DLC1: variants seen among roughly 807,000 people sequenced by gnomAD.
The protein encoded by DLC1 is DLC1 Rho GTPase activating protein.
In DLC1, 54 loss-of-function variants were observed where a neutral mutation model predicts 140.3. That is an observed-to-expected ratio of 0.38 (90% CI 0.31 to 0.48). DLC1 has a LOEUF of 0.48. DLC1 is among the 20% of genes least tolerant of loss of function. The pLI, the probability that DLC1 is intolerant of heterozygous loss-of-function variation, is 0.96. For missense variants in DLC1, 2,536 were observed against 1,907.0 expected (o/e 1.33, Z -6.14); for synonymous variants, 986 against 728.1 (o/e 1.35, Z -5.70).
chr8:13,104,434 G>GT (rs1187493738), intron 7 of DLC1, among the ~76,000 whole-genome samples: 1 of 151,358 alleles, frequency 6.6e-6, no homozygotes, highest in Non-Finnish European at 1.5e-5. Context: ...GAACTAAACG[G>GT]TATGTACAAC....
At chr8:13,468,948 AT>A (rs1214839856) in intron 2 of DLC1, among the ~76,000 whole-genome samples, 11 of 150,780 alleles carry the variant, frequency 7.3e-5, no homozygotes, top group Admixed American at 4.7e-4. Flanking sequence ...AGCCTCCCGA[AT>A]AGCTGGGACT....
At chr8:13,297,282 T>TAAAAAAAAAAAAAAAAAAAACAAAAA (rs60048506) in intron 5 of DLC1, among the ~76,000 whole-genome samples, 2 of 9,634 alleles carry the variant, frequency 2.1e-4, no homozygotes, top group African/African-American at 7.2e-4. Context: ...CTTCATACAT[T>TAAAAAAAAAAAAAAAAAAAACAAAAA]AAAAAAAAAA....
intron 4 of DLC1, among the ~76,000 whole-genome samples, chr8:13,369,008 G>C (rs897484069): frequency 6.6e-6 from 1 of 152,100 alleles, no homozygotes; most frequent in Non-Finnish European, 1.5e-5. Context: ...ATTTAGTAGA[G>C]ACAGGGTTTC....
chr8:13,365,895 T>C lies in DLC1; in HGVS notation c.1314+27658A>G, dbSNP rs570992370. 2.0e-5 allele frequency among the ~76,000 whole-genome samples: 3 copies of C among 152,320 alleles called. No homozygotes were observed. The South Asian group carries it at 6.2e-4, about 32-fold the overall frequency. ...GCACCTAAGTGACCCAAGATATTCA[T>C]TTCCCTGAAGTCACTCACAGCAGGC... On this transcript the variant is annotated intron_variant, in intron 4 of 17. Coordinates refer to ENST00000276297, the MANE Select transcript of DLC1 (RefSeq NM_182643.3).
chr8:13,305,056 A>G (rs182072428), intron 5 of DLC1: 3 of 1,208,200 alleles, frequency 2.5e-6, no homozygotes, highest in Non-Finnish European at 3.1e-6. Context: ...AGAAACACAT[A>G]TCTTATTCTA....
intron 4 of DLC1, among the ~76,000 whole-genome samples, chr8:13,371,018 A>T (rs775137355): frequency 6.6e-6 from 1 of 152,158 alleles, no homozygotes; most frequent in Non-Finnish European, 1.5e-5. Flanking sequence ...ATACGAACTA[A>T]GTATTATTGG....
chr8:13,191,927 A>C (rs1484423321), intron 5 of DLC1, among the ~76,000 whole-genome samples: 1 of 20,048 alleles, frequency 5.0e-5, no homozygotes, highest in Non-Finnish European at 9.8e-5. Flanking sequence ...GAGTGGCCTG[A>C]TTATTATTAT....
chr8:13,087,239 C>A (rs1042371837), intron 16 of DLC1, among the ~76,000 whole-genome samples: 3 of 152,120 alleles, frequency 2.0e-5, no homozygotes, highest in Non-Finnish European at 4.4e-5. Flanking sequence ...ATGTCTCTAC[C>A]AGAAACAAAA....
Position 13,579,187 on chromosome 8 carries a change from G to A in DLC1, c.-126+25350C>T, listed in dbSNP as rs965572805. Among the ~76,000 whole-genome samples the A allele has an allele frequency of 3.7e-5, 5 of 136,216 alleles. No individual in the cohort carries two copies. The Admixed American group carries it at 3.9e-4, about 11-fold the overall frequency. 89.4% of individuals were successfully genotyped at this position (136,216 alleles called of 152,430 possible). A position where few individuals can be genotyped will look rare whatever the true frequency, so the allele number is the denominator to read the frequency against. The stretch of plus-strand genomic sequence containing the variant: ...TCAAAGAACAAATATTAGAACAAAA[G>A]AGTCTCCTAGCACCGCCGCATAAAA... On this transcript the variant is annotated intron_variant, in intron 1 of 1. Transcript: ENST00000631382.
chr8:13,324,947 C>G (rs920504442), intron 4 of DLC1, among the ~76,000 whole-genome samples: 8 of 152,098 alleles, frequency 5.3e-5, no homozygotes, highest in African/African-American at 1.7e-4. Flanking sequence ...AATCATGTAT[C>G]ATAAAATAAT....
chr8:13,553,204 A>ATATATATATATATATATATATATG (rs1363162409), intron 1 of DLC1, among the ~76,000 whole-genome samples: 2 of 34,778 alleles, frequency 5.8e-5, no homozygotes, highest in Non-Finnish European at 1.1e-4. Context: ...GCCAGCTGTC[A>ATATATATATATATATATATATATG]TATATATATA....
At chr8:13,239,244 A>G (rs747812550) in intron 5 of DLC1, among the ~76,000 whole-genome samples, 1 of 152,140 alleles carries the variant, frequency 6.6e-6, no homozygotes, top group African/African-American at 2.4e-5. Flanking sequence ...TTCTTAGAGT[A>G]AGAGCTTGAC....
At chr8:13,150,299 C>T (rs1419516721) in intron 5 of DLC1, among the ~76,000 whole-genome samples, 3 of 152,076 alleles carry the variant, frequency 2.0e-5, no homozygotes, top group Non-Finnish European at 2.9e-5. Flanking sequence ...AATGGCTTGC[C>T]CAGCAGGCTT....
intron 2 of DLC1, among the ~76,000 whole-genome samples, chr8:13,406,498 C>T (rs1837568323): frequency 6.6e-6 from 1 of 152,130 alleles, no homozygotes; most frequent in South Asian, 2.1e-4. Flanking sequence ...CCACAAGAAA[C>T]AGACAGAAAT....
chr8:13,228,736 C>G (rs576566711), intron 5 of DLC1, among the ~76,000 whole-genome samples: 1 of 152,080 alleles, frequency 6.6e-6, no homozygotes, highest in Non-Finnish European at 1.5e-5. Context: ...AGAGCAAGAG[C>G]GAGACTCTGT....
At chr8:13,481,223 G>C (rs192946292) in intron 2 of DLC1, among the ~76,000 whole-genome samples, 19 of 152,214 alleles carry the variant, frequency 1.2e-4, no homozygotes, top group Admixed American at 9.8e-4. Flanking sequence ...TCAAGAGTTT[G>C]AGACCAGCCT....
At chr8:13,219,861 A>G (rs2117150258) in intron 5 of DLC1, among the ~76,000 whole-genome samples, 1 of 152,306 alleles carries the variant, frequency 6.6e-6, no homozygotes, top group South Asian at 2.1e-4. Flanking sequence ...TGAAGTACTG[A>G]TACATGCTAC....
intron 2 of DLC1, among the ~76,000 whole-genome samples, chr8:13,460,651 A>G (rs1287208891): frequency 6.6e-6 from 1 of 152,198 alleles, no homozygotes; most frequent in Admixed American, 6.5e-5. Context: ...GGGGGAAATG[A>G]TGGTGTGGAT....
chr8:13,135,516 T>A (rs895480000), intron 5 of DLC1, among the ~76,000 whole-genome samples: 1 of 152,072 alleles, frequency 6.6e-6, no homozygotes, highest in Non-Finnish European at 1.5e-5. Flanking sequence ...CATCCCGTGA[T>A]TGGATTTGCA....
Sources: gnomAD v4.1 joint callset for allele counts (sites outside exome capture counted in the v4.1 genomes callset) on GRCh38, gnomAD v4.1.1 for gene constraint, MANE v1.5 for transcripts, NCBI Gene and HGNC (gene_info 2026-07-23, HGNC 2026-07-21) for gene names.